Variants in TG observed in about 807,000 individuals in gnomAD.
TG encodes thyroid hormones.
Under a neutral mutation model 324.7 loss-of-function variants are expected in TG, and 270 were observed. That is an observed-to-expected ratio of 0.83 (90% CI 0.75 to 0.92). The LOEUF (loss-of-function observed/expected upper bound fraction) is 0.92, where lower values mean the gene tolerates loss of function less well. Ranked by LOEUF, TG falls within the 40% of genes least tolerant of loss-of-function variation. The probability of loss-of-function intolerance (pLI) is 0.00; values close to 1 mark genes in which losing one functional copy is unlikely to be tolerated. For missense variants in TG, 3,591 were observed against 3,456.4 expected, an observed-to-expected ratio of 1.04 and a Z score of -0.98; for synonymous variants, 1,401 against 1,327.0, an observed-to-expected ratio of 1.06 and a Z score of -1.21.
At chr8:132,963,956 G>T (rs914566128) in intron 29 of TG, among the ~76,000 whole-genome samples, 3 of 152,156 alleles carry the variant, frequency 2.0e-5, no homozygotes, top group East Asian at 3.9e-4. Context: ...ATGTGTAAAA[G>T]AATCTTGTCT....
At chr8:133,052,873 G>A (rs1840674631) in intron 41 of TG, among the ~76,000 whole-genome samples, 1 of 152,232 alleles carries the variant, frequency 6.6e-6, no homozygotes, top group South Asian at 2.1e-4. Context: ...CACTGAGTGG[G>A]ACGCCTCCTT....
rs76345560 is a variant in TG at position 133,132,438 on chromosome 8, A to G, written c.7997+492A>G. On this transcript the variant is annotated intron_variant, in intron 46 of 47. Coordinates refer to ENST00000220616, the MANE Select transcript of TG (RefSeq NM_003235.5). ...CCTTGGGTTTTCAGCTTAAGTTGAA[A>G]TGCTCAGGGCCCTCCTTTATTCACC... 8.7e-3 allele frequency among the ~76,000 whole-genome samples: 1,322 copies of G among 152,326 alleles called. 20 individuals are homozygous for G. Among genetic ancestry groups the G allele is most frequent in the African/African-American group, 0.03 (1,258 of 41,572 alleles).
chr8:132,923,320 T>C lies in TG; in HGVS notation c.4529-18T>C, dbSNP rs181011156. 1.5e-3 allele frequency: 2,342 copies of C among 1,613,902 alleles called. 1 individual carries two copies. The highest frequency in any genetic ancestry group is 1.5e-3 in the Non-Finnish European group (1,815 of 1,179,934). On this transcript the variant is annotated intron_variant, in intron 21 of 47. Coordinates refer to ENST00000220616, the MANE Select transcript of TG (RefSeq NM_003235.5). ...CAGAGGCCCATTATTGACGGCTATG[T>C]CAATCTATTGGTTCTAGGTGTCACT...
intron 30 of TG, 97 bp downstream of exon 30, chr8:132,966,794 T>C (rs376791982): frequency 2.0e-5 from 29 of 1,468,798 alleles, no homozygotes; most frequent in Middle Eastern, 3.5e-4. Flanking sequence ...TAAGGCCAAA[T>C]TTTGTGTCAT....
chr8:133,035,209 T>A (rs1836983381), intron 41 of TG, among the ~76,000 whole-genome samples: 1 of 152,224 alleles, frequency 6.6e-6, no homozygotes, highest in African/African-American at 2.4e-5. Flanking sequence ...ACCCATGAAA[T>A]TTTGAAAAGT....
intron 43 of TG, among the ~76,000 whole-genome samples, chr8:133,106,957 A>T (rs149159977): frequency 6.6e-6 from 1 of 152,330 alleles, no homozygotes; most frequent in African/African-American, 2.4e-5. Context: ...ATGTGTTCTC[A>T]TCGTGTCTCT....
At chr8:133,114,197 C>T (rs758551496) in intron 44 of TG, among the ~76,000 whole-genome samples, 66 of 152,318 alleles carry the variant, frequency 4.3e-4, no homozygotes, top group Admixed American at 9.8e-4. Context: ...ATAGGAACAG[C>T]CCAAGCTCTG....
At chr8:133,074,913 G>A in intron 41 of TG, 2 of 985,590 alleles carry the variant, frequency 2.0e-6, no homozygotes, top group Non-Finnish European at 2.4e-6. Flanking sequence ...TGGGTGCAGA[G>A]TCACTGCCTC....
At chr8:132,945,006 G>A (rs1825027315) in intron 26 of TG, among the ~76,000 whole-genome samples, 1 of 152,162 alleles carries the variant, frequency 6.6e-6, no homozygotes, top group Non-Finnish European at 1.5e-5. Flanking sequence ...GGAGGGAGAG[G>A]CCAGGCCACA....
chr8:132,964,668 C>G, intron 29 of TG: 1 of 547,624 alleles, frequency 1.8e-6, no homozygotes, highest in East Asian at 3.0e-5. Flanking sequence ...TCTAATACGG[C>G]ACGTAAACCA....
At chr8:132,935,990 T>C (rs1433066736) in intron 25 of TG, 126 bp downstream of exon 25, 2 of 753,722 alleles carry the variant, frequency 2.7e-6, no homozygotes, top group Non-Finnish European at 4.7e-6. Flanking sequence ...ACACCCTCAG[T>C]CTGGCTTCTC....
chr8:133,086,883 G>C (rs556161629), intron 41 of TG, among the ~76,000 whole-genome samples: 33 of 152,128 alleles, frequency 2.2e-4, no homozygotes, highest in Non-Finnish European at 4.0e-4. Flanking sequence ...ATTGCCTGCA[G>C]GTGCCCCTAA....
intron 41 of TG, among the ~76,000 whole-genome samples, chr8:133,062,648 C>A (rs181376859): frequency 6.6e-6 from 1 of 152,130 alleles, no homozygotes; most frequent in Non-Finnish European, 1.5e-5. Context: ...GGGAAGCATG[C>A]GTGTGACATG....
At chr8:132,889,385 T>C (rs1453347543) in intron 10 of TG, among the ~76,000 whole-genome samples, 4 of 152,252 alleles carry the variant, frequency 2.6e-5, no homozygotes, top group African/African-American at 9.6e-5. Context: ...CTGAGTAATG[T>C]TAAAATCCAT....
intron 43 of TG, among the ~76,000 whole-genome samples, chr8:133,112,264 A>G (rs1377828000): frequency 1.3e-5 from 2 of 152,386 alleles, no homozygotes; most frequent in Non-Finnish European, 2.9e-5. Flanking sequence ...TGTTTGGAGA[A>G]GCAATTTAAA....
intron 13 of TG, 89 bp downstream of exon 13, chr8:132,898,335 TC>T: frequency 7.8e-7 from 1 of 1,280,564 alleles, no homozygotes; most frequent in African/African-American, 1.5e-5. Flanking sequence ...CGCTGGAGAC[TC>T]CATGGCCCAG....
At chr8:132,968,811 T>C (rs1431608837) in intron 31 of TG, among the ~76,000 whole-genome samples, 1 of 152,220 alleles carries the variant, frequency 6.6e-6, no homozygotes. Context: ...TCCTGGTGGT[T>C]TGGGCACCAA....
chr8:132,907,306 C>A (rs191016431), intron 17 of TG, among the ~76,000 whole-genome samples: 1 of 152,306 alleles, frequency 6.6e-6, no homozygotes, highest in African/African-American at 2.4e-5. Context: ...CCATCAGCCT[C>A]TCCCCAAGAC....
rs538656738 is a variant in TG, at chr8:133,038,287, C to T, written c.7239+8264C>T. 3.3e-4 allele frequency: 187 copies of T among 560,614 alleles called. 4 individuals are homozygous for T. The South Asian group carries it at 3.4e-3, about 10-fold the overall frequency. 34.7% of individuals were successfully genotyped at this position (560,614 alleles called of 1,614,324 possible). ...ATGCTGGGCTCTTCCAAGCATCGCC[C>T]GACATGTCATGATCCAATGTTTCGT... On this transcript the variant is annotated intron_variant, in intron 41 of 47. Transcript: ENST00000220616.
Sources: gnomAD v4.1 joint callset for allele counts (sites outside exome capture counted in the v4.1 genomes callset) on GRCh38, gnomAD v4.1.1 for gene constraint, MANE v1.5 for transcripts, NCBI Gene and HGNC (gene_info 2026-07-23, HGNC 2026-07-21) for gene names.